Variants in LRBA observed in about 807,000 individuals in gnomAD.
LRBA encodes LPS responsive beige-like anchor protein.
LRBA carries 176 observed loss-of-function variants against 330.0 expected under a neutral mutation model. The ratio of observed to expected loss-of-function variants is 0.53; its 90% CI spans 0.47 to 0.60. The LOEUF is 0.60. Among genes scored for constraint, LRBA ranks in the 20% least tolerant of loss-of-function variants. The pLI is 0.00. For missense variants in LRBA, 3,259 were observed against 3,444.8 expected (o/e 0.95, Z 1.35); for synonymous variants, 1,230 against 1,193.0 (o/e 1.03, Z -0.64).
intron 53 of LRBA, among the ~76,000 whole-genome samples, chr4:150,294,107 C>T (rs548070274): frequency 6.6e-6 from 1 of 152,176 alleles, no homozygotes. Flanking sequence ...GGGGTTGGCA[C>T]CCCGACTCCT....
intron 40 of LRBA, among the ~76,000 whole-genome samples, chr4:150,550,601 T>C (rs1300170465): frequency 6.6e-6 from 1 of 152,206 alleles, no homozygotes; most frequent in African/African-American, 2.4e-5. Flanking sequence ...GTGTAATGTA[T>C]TTCATCACAT....
At chr4:150,644,542 G>T (rs1446823178) in intron 37 of LRBA, among the ~76,000 whole-genome samples, 5 of 151,842 alleles carry the variant, frequency 3.3e-5, no homozygotes, top group Admixed American at 6.6e-5. Context: ...TGCTTAAGGA[G>T]TTGAGGACAT....
chr4:150,432,398 A>C (rs1171206471), intron 46 of LRBA, among the ~76,000 whole-genome samples: 5 of 146,974 alleles, frequency 3.4e-5, no homozygotes, highest in Admixed American at 2.1e-4. Flanking sequence ...AATATGTGAT[A>C]GCTGAATGAA....
At position 150,410,583 on chromosome 4, in the gene LRBA, G is replaced by A. The variant is rs183028116; in HGVS notation, c.7194+4855C>T. On this transcript the variant is annotated intron_variant, in intron 47 of 56. Coordinates refer to ENST00000651943, the MANE Select transcript of LRBA (RefSeq NM_001364905.1). Reference sequence around the variant, plus strand: ...CCTTAGGACAATTCAACAAGAGAACGCTTCCTTTGCTATATTAATGCCACC... The same window carrying A: ...CCTTAGGACAATTCAACAAGAGAACACTTCCTTTGCTATATTAATGCCACC... Among the ~76,000 whole-genome samples, 4 of 152,186 alleles carry A rather than the reference G, an allele frequency of 2.6e-5. No homozygotes were observed. In the Middle Eastern group the frequency reaches 0.01, roughly 388 times the overall value.
In LRBA at chr4:150,900,042, T is replaced by C. The variant is rs1730549053; in HGVS notation, c.1924+7A>G. 6.2e-7 allele frequency: 1 copy of C among 1,600,438 alleles called. No individual in the cohort carries two copies. Among genetic ancestry groups the C allele is most frequent in the Non-Finnish European group, 8.5e-7 (1 of 1,171,806 alleles). On this transcript the variant is annotated splice_region_variant and intron_variant, in intron 14 of 56. Transcript: ENST00000651943. The stretch of plus-strand genomic sequence containing the variant: ...TGTAAAGTAATATACAGACAGAAAT[T>C]ATATACCTAATCCTTTTGGGGTGAT...
At chr4:150,851,574 G>A (rs1282934486) in intron 23 of LRBA, among the ~76,000 whole-genome samples, 1 of 152,218 alleles carries the variant, frequency 6.6e-6, no homozygotes, top group African/African-American at 2.4e-5. Flanking sequence ...GATTGGGTTA[G>A]TCAAATAAAA....
chr4:150,540,909 T>C (rs1765251412), intron 40 of LRBA, among the ~76,000 whole-genome samples: 1 of 152,196 alleles, frequency 6.6e-6, no homozygotes, highest in Non-Finnish European at 1.5e-5. Flanking sequence ...AAAACTTTTC[T>C]GATTTTCAGG....
intron 40 of LRBA, among the ~76,000 whole-genome samples, chr4:150,536,586 G>A (rs1031510571): frequency 1.3e-5 from 2 of 152,134 alleles, no homozygotes; most frequent in Non-Finnish European, 2.9e-5. Context: ...ACAATTATGT[G>A]CAGTTTTCAG....
At position 150,583,836 on chromosome 4, in the gene LRBA, CA is replaced by C. The variant is rs1561387730; in HGVS notation, c.6330+4211del. On this transcript the variant is annotated intron_variant, in intron 40 of 56. Coordinates refer to ENST00000651943, the MANE Select transcript of LRBA (RefSeq NM_001364905.1). This position sits in a 1 kb window ranked among gnomAD's most constrained non-coding sequence, Gnocchi z 9.8. The stretch of plus-strand genomic sequence containing the variant: ...ACCTGGAGCTACCCGGCCAGCCGCT[CA>C]ACAACTACCACATGAAGACGCTGCT... 1 of 1,614,214 alleles carries C rather than the reference CA, an allele frequency of 6.2e-7. No individual in the cohort carries two copies. Among genetic ancestry groups the C allele is most frequent in the Non-Finnish European group, 8.5e-7 (1 of 1,180,044 alleles).
At chr4:150,760,348 ATC>A (rs1560780023) in intron 35 of LRBA, among the ~76,000 whole-genome samples, 1 of 152,154 alleles carries the variant, frequency 6.6e-6, no homozygotes, top group Non-Finnish European at 1.5e-5. Flanking sequence ...ATGAAAATGT[ATC>A]TCTATGTTTC....
chr4:150,354,411 C>T (rs1289938177), intron 47 of LRBA, among the ~76,000 whole-genome samples: 1 of 152,102 alleles, frequency 6.6e-6, no homozygotes, highest in Non-Finnish European at 1.5e-5. Context: ...GGGATAGTAA[C>T]ATTCTTCCCA....
chr4:150,905,316 T>C (rs1008415635), intron 13 of LRBA, among the ~76,000 whole-genome samples: 1 of 151,540 alleles, frequency 6.6e-6, no homozygotes, highest in African/African-American at 2.4e-5. Flanking sequence ...CCTATAAGAA[T>C]GAAACTCAGT....
At chr4:150,464,009 C>CAAA (rs34742965) in intron 44 of LRBA, among the ~76,000 whole-genome samples, 127 of 146,214 alleles carry the variant, frequency 8.7e-4, no homozygotes, top group Admixed American at 1.2e-3. Flanking sequence ...AACATATCCT[C>CAAA]AAAAAAAAAA....
chr4:150,410,605 C>T (rs902591424), intron 47 of LRBA, among the ~76,000 whole-genome samples: 2 of 152,086 alleles, frequency 1.3e-5, no homozygotes, highest in African/African-American at 4.8e-5. Context: ...ATATTAATGC[C>T]ACCTCCAGGC....
At chr4:150,523,485 A>G (rs902839216) in intron 40 of LRBA, among the ~76,000 whole-genome samples, 3 of 152,150 alleles carry the variant, frequency 2.0e-5, no homozygotes, top group African/African-American at 4.8e-5. Context: ...CCCAGACACC[A>G]GAACTATAAT....
In LRBA at chr4:150,503,687, C is replaced by T. The variant is rs111730220; in HGVS notation, c.6331-12652G>A. ...GAAACTCTAAAAAATCAGAGCACCT[C>T]TCCTCCTCCATAGGAACGCAGCTCC... is the stretch of plus-strand genomic sequence containing the variant. On this transcript the variant is annotated intron_variant, in intron 40 of 56. Transcript: ENST00000651943. Among the ~76,000 whole-genome samples, 853 of 152,280 alleles carry T rather than the reference C, an allele frequency of 5.6e-3. 10 individuals carry two copies. Among genetic ancestry groups the T allele is most frequent in the African/African-American group, 0.018 (738 of 41,548 alleles).
chr4:150,775,155 C>T (rs563375806), intron 34 of LRBA, among the ~76,000 whole-genome samples: 3 of 152,234 alleles, frequency 2.0e-5, no homozygotes, highest in Non-Finnish European at 4.4e-5. Flanking sequence ...GTAGTTCCTA[C>T]CATAAGGTCT....
At chr4:150,993,072 A>G (rs1003311055) in intron 2 of LRBA, among the ~76,000 whole-genome samples, 2 of 152,178 alleles carry the variant, frequency 1.3e-5, no homozygotes, top group African/African-American at 4.8e-5. Context: ...GTTTGAGCCC[A>G]GGATATCAAG....
intron 46 of LRBA, among the ~76,000 whole-genome samples, chr4:150,430,638 C>T (rs1750257424): frequency 6.6e-6 from 1 of 152,112 alleles, no homozygotes; most frequent in African/African-American, 2.4e-5. Context: ...AATTAAAATA[C>T]AAAATTTTAA....
Sources: allele counts gnomAD v4.1 joint callset (sites outside exome capture counted in the v4.1 genomes callset), GRCh38; gene constraint gnomAD v4.1.1; non-coding constraint Gnocchi (gnomAD v3.1); transcripts MANE v1.5; gene names NCBI Gene and HGNC (gene_info 2026-07-23, HGNC 2026-07-21).